PDE11A: variants seen among roughly 807,000 people sequenced by gnomAD.
The protein encoded by PDE11A is phosphodiesterase 11A.
PDE11A carries 100 observed loss-of-function variants against 100.5 expected under a neutral mutation model. The observed-to-expected ratio is 1.00, with a 90% CI of 0.85 to 1.18. The LOEUF (loss-of-function observed/expected upper bound fraction) is 1.18, where lower values mean the gene tolerates loss of function less well. Among genes scored for constraint, PDE11A ranks in the 50% most tolerant of loss-of-function variants. PDE11A has a pLI of 0.00. For missense variants in PDE11A, 1,141 were observed against 1,152.6 expected, an observed-to-expected ratio of 0.99 and a Z score of 0.15; for synonymous variants, 381 against 420.8, an observed-to-expected ratio of 0.91 and a Z score of 1.16.
At chr2:177,754,348 T>A (rs555111391) in intron 10 of PDE11A, among the ~76,000 whole-genome samples, 1 of 151,948 alleles carries the variant, frequency 6.6e-6, no homozygotes, top group Non-Finnish European at 1.5e-5. Flanking sequence ...ACAAAAAAAA[T>A]GCAAAAACAA....
At chr2:177,992,758 T>A (rs186209781) in intron 2 of PDE11A, among the ~76,000 whole-genome samples, 6 of 152,232 alleles carry the variant, frequency 3.9e-5, no homozygotes, top group African/African-American at 1.2e-4. Flanking sequence ...AGAACATTGA[T>A]CTATCCAAAT....
intron 1 of PDE11A, among the ~76,000 whole-genome samples, chr2:178,022,367 G>A (rs1238371560): frequency 2.0e-5 from 3 of 152,176 alleles, no homozygotes; most frequent in Admixed American, 2.0e-4. Context: ...AGATTCTGGG[G>A]AATATGAGTT....
intron 2 of PDE11A, among the ~76,000 whole-genome samples, chr2:178,102,428 GT>G (rs769341186): frequency 0.48 from 26,758 of 55,348 alleles, 6,148 homozygotes; most frequent in East Asian, 0.65. Context: ...CCTGGTCTAA[GT>G]TTTTTTTTTT....
At chr2:178,092,576 A>T (rs1460000640) in intron 2 of PDE11A, 1 of 151,804 alleles carries the variant, frequency 6.6e-6, no homozygotes, top group African/African-American at 2.4e-5. Context: ...AGAAAAGGTC[A>T]TGTTAGTTCC....
At chr2:177,746,906 A>G (rs2081956622) in intron 10 of PDE11A, among the ~76,000 whole-genome samples, 1 of 152,266 alleles carries the variant, frequency 6.6e-6, no homozygotes, top group Non-Finnish European at 1.5e-5. Context: ...TAACATTAGC[A>G]TCAAATGAGG....
chr2:178,090,295 A>T (rs145244554), intron 2 of PDE11A, among the ~76,000 whole-genome samples: 1,658 of 152,350 alleles, frequency 0.011, 16 homozygotes, highest in Non-Finnish European at 0.017. Context: ...AAAGTATTTT[A>T]CTTATTGCAT....
At chr2:177,894,860 A>C (rs1177406269) in intron 4 of PDE11A, among the ~76,000 whole-genome samples, 1 of 152,180 alleles carries the variant, frequency 6.6e-6, no homozygotes, top group Non-Finnish European at 1.5e-5. Flanking sequence ...ACCTACCTGT[A>C]ACCTGTAAGT....
At chr2:178,052,672 T>C (rs1051198770) in intron 1 of PDE11A, among the ~76,000 whole-genome samples, 2 of 152,012 alleles carry the variant, frequency 1.3e-5, no homozygotes, top group Non-Finnish European at 2.9e-5. Context: ...TAAAAAATGA[T>C]AAAGGGGATA....
intron 10 of PDE11A, among the ~76,000 whole-genome samples, chr2:177,734,581 T>C (rs1180321253): frequency 1.3e-5 from 2 of 152,202 alleles, no homozygotes; most frequent in East Asian, 1.9e-4. Context: ...TGCCTTGTAG[T>C]TGCCTAGAAC....
At chr2:177,837,942 T>C (rs2083431477) in intron 6 of PDE11A, among the ~76,000 whole-genome samples, 1 of 152,224 alleles carries the variant, frequency 6.6e-6, no homozygotes, top group Admixed American at 6.5e-5. Flanking sequence ...TTAAAGGACC[T>C]TTATGGTTTT....
At chr2:178,068,591 T>C (rs1415215769) in intron 1 of PDE11A, among the ~76,000 whole-genome samples, 2 of 152,018 alleles carry the variant, frequency 1.3e-5, no homozygotes, top group Admixed American at 6.6e-5. Flanking sequence ...CTTAAAAATA[T>C]AGTAGTTAAC....
At chr2:177,663,646 A>G (rs1414517093) in intron 19 of PDE11A, among the ~76,000 whole-genome samples, 2 of 152,042 alleles carry the variant, frequency 1.3e-5, no homozygotes, top group African/African-American at 2.4e-5. Flanking sequence ...GCCCATGGAG[A>G]TTATATCCTA....
chr2:178,004,427 A>T (rs2086181039), intron 2 of PDE11A, among the ~76,000 whole-genome samples: 1 of 152,238 alleles, frequency 6.6e-6, no homozygotes. Flanking sequence ...GATGAAAAGA[A>T]GCAACCTTGC....
chr2:177,778,476 G>T (rs949216766), intron 9 of PDE11A, among the ~76,000 whole-genome samples: 2 of 152,278 alleles, frequency 1.3e-5, no homozygotes, highest in South Asian at 4.1e-4. Context: ...GGCACAAAAG[G>T]GCTGCATGAA....
intron 2 of PDE11A, among the ~76,000 whole-genome samples, chr2:178,089,373 T>C (rs2087394358): frequency 6.6e-6 from 1 of 152,090 alleles, no homozygotes; most frequent in Non-Finnish European, 1.5e-5. Flanking sequence ...CAACTATAAA[T>C]ACAACAAGGT....
At chr2:177,941,235 G>A (rs1431095892) in intron 2 of PDE11A, among the ~76,000 whole-genome samples, 1 of 152,172 alleles carries the variant, frequency 6.6e-6, no homozygotes, top group African/African-American at 2.4e-5. Context: ...AAGACATCAG[G>A]CAGCTTGCCC....
intron 1 of PDE11A, among the ~76,000 whole-genome samples, chr2:178,020,309 C>A (rs2086391300): frequency 6.6e-6 from 1 of 152,176 alleles, no homozygotes; most frequent in South Asian, 2.1e-4. Flanking sequence ...CAAAACTCAA[C>A]TCTGAGTCTG....
intron 9 of PDE11A, among the ~76,000 whole-genome samples, chr2:177,792,990 C>T (rs1393892316): frequency 1.3e-5 from 2 of 152,130 alleles, no homozygotes; most frequent in Non-Finnish European, 2.9e-5. Flanking sequence ...TAGGGATGAC[C>T]TCTTTGAGAC....
chr2:177,862,888 A>C (rs1370869117), intron 5 of PDE11A, among the ~76,000 whole-genome samples: 2 of 152,000 alleles, frequency 1.3e-5, no homozygotes, highest in Non-Finnish European at 1.5e-5. Context: ...AATACTGAGA[A>C]AGACAAACAA....
Sources: allele counts gnomAD v4.1 joint callset (sites outside exome capture counted in the v4.1 genomes callset), GRCh38; gene constraint gnomAD v4.1.1; transcripts MANE v1.5; gene names NCBI Gene and HGNC (gene_info 2026-07-23, HGNC 2026-07-21).